Variants in KIAA1549 observed in about 807,000 individuals in gnomAD.
KIAA1549 encodes the protein KIAA1549.
Under a neutral mutation model 156.4 loss-of-function variants are expected in KIAA1549, and 70 were observed. The observed-to-expected ratio is 0.45, with a 90% CI of 0.37 to 0.55. KIAA1549 has a LOEUF of 0.55. Ranked by LOEUF, KIAA1549 falls within the 20% of genes least tolerant of loss-of-function variation. The pLI is 0.00. For missense variants in KIAA1549, 2,428 were observed against 2,540.9 expected, an observed-to-expected ratio of 0.96 and a Z score of 0.96; for synonymous variants, 1,103 against 1,066.4, an observed-to-expected ratio of 1.03 and a Z score of -0.67.
intron 12 of KIAA1549, among the ~76,000 whole-genome samples, chr7:138,872,845 A>G (rs986056412): frequency 1.3e-5 from 2 of 152,188 alleles, no homozygotes; most frequent in Non-Finnish European, 2.9e-5. Flanking sequence ...TAGAGGGTGC[A>G]GTGAGCCGAG....
chr7:138,864,407 G>A (rs1810675416), intron 15 of KIAA1549, among the ~76,000 whole-genome samples: 1 of 152,134 alleles, frequency 6.6e-6, no homozygotes, highest in Non-Finnish European at 1.5e-5. Flanking sequence ...AGAAGGCCAG[G>A]AGCTCCTGGG....
intron 1 of KIAA1549, among the ~76,000 whole-genome samples, chr7:138,953,132 G>A (rs1813548185): frequency 6.6e-6 from 1 of 152,202 alleles, no homozygotes; most frequent in Non-Finnish European, 1.5e-5. Context: ...GAGGCAGGTG[G>A]ATCACCTGAG....
intron 15 of KIAA1549, among the ~76,000 whole-genome samples, chr7:138,864,089 C>A (rs1052766095): frequency 1.3e-5 from 2 of 152,180 alleles, no homozygotes; most frequent in South Asian, 4.1e-4. Context: ...GAACAGCCCA[C>A]TGGTAAAAGG....
intron 11 of KIAA1549, 85 bp from the exon 12 acceptor site, chr7:138,879,738 G>C: frequency 1.2e-6 from 1 of 857,336 alleles, no homozygotes; most frequent in Non-Finnish European, 1.8e-6. Context: ...GTGGAAGTCA[G>C]GCTTCCAGGC....
chr7:138,923,578 C>A (rs1481616640), intron 1 of KIAA1549, among the ~76,000 whole-genome samples: 1 of 150,016 alleles, frequency 6.7e-6, no homozygotes, highest in East Asian at 2.0e-4. Context: ...CCAGCCTGGG[C>A]AACAGAGCGA....
At position 138,976,690 on chromosome 7, in the gene KIAA1549, G is replaced by A. The variant is rs200434131; in HGVS notation, c.187+4393C>T. Among the ~76,000 whole-genome samples, 96 of 152,278 alleles carry A rather than the reference G, an allele frequency of 6.3e-4. 1 individual carries two copies. In the East Asian group the frequency reaches 0.018, roughly 28 times the overall value. ...CTACCCAAAGTTTCAGGCATCCACT[G>A]GGGGTCTTGGACCACATCCCTTGCA... On this transcript the variant is annotated intron_variant, in intron 1 of 19. Coordinates refer to ENST00000422774, the MANE Select transcript of KIAA1549 (RefSeq NM_001164665.2).
chr7:138,954,005 T>C (rs906810836), intron 1 of KIAA1549, among the ~76,000 whole-genome samples: 8 of 152,182 alleles, frequency 5.3e-5, no homozygotes, highest in Middle Eastern at 3.2e-3. Context: ...CAATGAAATA[T>C]TATGTTTAGT....
At chr7:138,880,427 C>T (rs1208914130) in intron 11 of KIAA1549, among the ~76,000 whole-genome samples, 3 of 152,338 alleles carry the variant, frequency 2.0e-5, no homozygotes, top group Non-Finnish European at 4.4e-5. Flanking sequence ...CATCTCTCTA[C>T]ATAACTCATT....
Position 138,881,436 on chromosome 7 carries a change from G to A in KIAA1549, c.4181C>T (p.Pro1394Leu). Residue 1394 changes from proline to leucine, a missense_variant, in exon 11 of 20, where the codon CCA becomes CTA. Around this residue, in one of 5 missense-constraint regions of KIAA1549, gnomAD observed 404 missense variants for 417.0 expected, o/e 0.97. Coordinates refer to ENST00000422774, the MANE Select transcript of KIAA1549 (RefSeq NM_001164665.2). ...GGAAGGGATCTTTGACTTGGGGCTT[G>A]GCACGTCTCCATTTTCCGAGGGCGT... ...HTTPSENGDV[P>L]SPKSKIPSKN... 1 of 1,614,046 alleles carries A rather than the reference G, an allele frequency of 6.2e-7. No homozygotes were observed. The highest frequency in any genetic ancestry group is 8.5e-7 in the Non-Finnish European group (1 of 1,179,902).
intron 14 of KIAA1549, among the ~76,000 whole-genome samples, chr7:138,868,779 T>C (rs936082860): frequency 1.3e-5 from 2 of 152,066 alleles, no homozygotes; most frequent in Non-Finnish European, 2.9e-5. Flanking sequence ...CCAGGGAGGA[T>C]GTGGGAAGCA....
Position 138,837,913 on chromosome 7 carries a change from T to C in KIAA1549, c.5846A>G (p.His1949Arg). ...SQKQSTVQNFHS is the reference protein window; with the variant it reads ...SQKQSTVQNFRS ...TCTGCGAGGCGAGGCCGATCAGCTGTGGAAGTTCTGCACGGTGCTCTGTTT... is the reference window on the plus strand; with the variant it reads ...TCTGCGAGGCGAGGCCGATCAGCTGCGGAAGTTCTGCACGGTGCTCTGTTT... Residue 1949 changes from histidine (H) to arginine (R), a missense_variant, in exon 20 of 20, where the codon CAC (histidine) becomes CGC (arginine). By Grantham distance (29) the His-to-Arg change is conservative (BLOSUM62 0). Coordinates refer to ENST00000422774, the MANE Select transcript of KIAA1549 (RefSeq NM_001164665.2). The C allele has an allele frequency of 6.2e-7, 1 of 1,613,576 alleles. No individual in the cohort carries two copies. Among genetic ancestry groups the C allele is most frequent in the Non-Finnish European group, 8.5e-7 (1 of 1,179,862 alleles).
chr7:138,946,341 C>G (rs1467034404), intron 1 of KIAA1549, among the ~76,000 whole-genome samples: 1 of 152,066 alleles, frequency 6.6e-6, no homozygotes, highest in East Asian at 1.9e-4. Flanking sequence ...GATTACTGAC[C>G]CTATTTAGAT....
At chr7:138,956,608 C>A (rs1309694909) in intron 1 of KIAA1549, among the ~76,000 whole-genome samples, 2 of 152,150 alleles carry the variant, frequency 1.3e-5, no homozygotes, top group Non-Finnish European at 2.9e-5. Flanking sequence ...CTCTTGTCTG[C>A]CACCATGTAA....
At chr7:138,974,939 C>G (rs1330663325) in intron 1 of KIAA1549, among the ~76,000 whole-genome samples, 1 of 151,996 alleles carries the variant, frequency 6.6e-6, no homozygotes, top group Non-Finnish European at 1.5e-5. Flanking sequence ...AATGTTCCAA[C>G]AATACCTATT....
chr7:138,840,172 C>A lies in KIAA1549; in HGVS notation c.5559G>T (p.Trp1853Cys), dbSNP rs1305176866. Residue 1853 changes from tryptophan to cysteine, a missense_variant, in exon 19 of 20, where the codon TGG becomes TGT. Physicochemically the swap from Trp to Cys is radical, Grantham distance 215. Around this residue, in one of 5 missense-constraint regions of KIAA1549, gnomAD observed 363 missense variants for 354.0 expected, o/e 1.03. Transcript: ENST00000422774. Reference sequence around the variant, plus strand: ...CCGCTTCGTCCTCCCCGTACGAAGGCCAGCCTGGCCCCCCATACTGGCTGC... The same window carrying A: ...CCGCTTCGTCCTCCCCGTACGAAGGACAGCCTGGCCCCCCATACTGGCTGC... ...SRGSQYGGPG[W>C]PSYGEDEAGR... 3.2e-6 allele frequency: 5 copies of A among 1,558,144 alleles called. No individual in the cohort carries two copies. Among genetic ancestry groups the A allele is most frequent in the African/African-American group, 2.7e-5 (2 of 73,358 alleles).
At chr7:138,961,858 A>AAAG (rs1407485777) in intron 1 of KIAA1549, among the ~76,000 whole-genome samples, 2 of 151,790 alleles carry the variant, frequency 1.3e-5, no homozygotes, top group African/African-American at 4.8e-5. Flanking sequence ...AAAAAAAAAA[A>AAAG]AAAGAAAGAA....
intron 1 of KIAA1549, among the ~76,000 whole-genome samples, chr7:138,956,554 G>GAT (rs1813671460): frequency 6.6e-6 from 1 of 152,120 alleles, no homozygotes; most frequent in African/African-American, 2.4e-5. Flanking sequence ...CACGAGATCT[G>GAT]ATGGTTTTAT....
rs115650488 is a variant in KIAA1549 at position 138,871,545 on chromosome 7, C to G, written c.4346-183G>C. On this transcript the variant is annotated intron_variant, in intron 12 of 19. Transcript: ENST00000422774. The stretch of plus-strand genomic sequence containing the variant: ...GAGCTTAAATAGTCTGGGCTATATA[C>G]TGTATCCTCTAACTTCATTAAAAAT... Among the ~76,000 whole-genome samples the G allele has an allele frequency of 9.7e-3, 1,482 of 152,316 alleles. 27 individuals carry two copies. The highest frequency in any genetic ancestry group is 0.034 in the African/African-American group (1,396 of 41,566).
At chr7:138,840,348 G>A (rs1009192279) in intron 18 of KIAA1549, 70 bp from the exon 19 acceptor site, 15 of 1,398,710 alleles carry the variant, frequency 1.1e-5, no homozygotes, top group South Asian at 5.3e-5. Context: ...GATGGCTGCC[G>A]AGGAAGACAC....
Sources: allele counts gnomAD v4.1 joint callset (sites outside exome capture counted in the v4.1 genomes callset), GRCh38; gene constraint gnomAD v4.1.1; regional missense constraint gnomAD v4.1.1; transcripts MANE v1.5; gene names NCBI Gene and HGNC (gene_info 2026-07-23, HGNC 2026-07-21).